Variants in CSMD1 observed in about 807,000 individuals in gnomAD.
The protein encoded by CSMD1 is CUB and Sushi multiple domains 1.
In CSMD1, 213 loss-of-function variants were observed where a neutral mutation model predicts 417.5. That is an observed-to-expected ratio of 0.51 (90% CI 0.46 to 0.57). The LOEUF is 0.57. Ranked by LOEUF, CSMD1 falls within the 20% of genes least tolerant of loss-of-function variation. The probability of loss-of-function intolerance (pLI) is 0.00; values close to 1 mark genes in which losing one functional copy is unlikely to be tolerated. For missense variants in CSMD1, 6,923 were observed against 4,529.7 expected (o/e 1.53, Z -15.17); for synonymous variants, 2,862 against 1,736.8 (o/e 1.65, Z -16.11).
intron 3 of CSMD1, among the ~76,000 whole-genome samples, chr8:4,045,215 G>T (rs1245818921): frequency 1.3e-5 from 2 of 152,132 alleles, no homozygotes; most frequent in Non-Finnish European, 2.9e-5. Flanking sequence ...CACAATGTGG[G>T]CGACAGTTGT....
chr8:4,043,903 C>G (rs1798018273), intron 3 of CSMD1, among the ~76,000 whole-genome samples: 1 of 152,074 alleles, frequency 6.6e-6, no homozygotes, highest in Non-Finnish European at 1.5e-5. Context: ...ACAGATAAAC[C>G]TGAATCTGTA....
intron 7 of CSMD1, among the ~76,000 whole-genome samples, chr8:3,686,284 A>G (rs957387669): frequency 6.6e-6 from 1 of 152,168 alleles, no homozygotes; most frequent in African/African-American, 2.4e-5. Context: ...AGGCAGTGTC[A>G]AGAGACGTGT....
chr8:3,470,591 A>C (rs549079255), intron 11 of CSMD1, among the ~76,000 whole-genome samples: 1 of 152,258 alleles, frequency 6.6e-6, no homozygotes, highest in East Asian at 1.9e-4. Context: ...CGGCTCCTGA[A>C]TCCACCGCCA....
chr8:3,934,979 T>C (rs1270716849), intron 5 of CSMD1, among the ~76,000 whole-genome samples: 1 of 152,152 alleles, frequency 6.6e-6, no homozygotes, highest in Non-Finnish European at 1.5e-5. Context: ...GGCACCCAGA[T>C]CTAAACTCTG....
At chr8:3,686,579 C>G (rs1799955500) in intron 7 of CSMD1, among the ~76,000 whole-genome samples, 3 of 152,102 alleles carry the variant, frequency 2.0e-5, no homozygotes, top group African/African-American at 7.2e-5. Context: ...GTCTTGATAC[C>G]AAAAGGGAAG....
At chr8:3,091,751 C>A in intron 47 of CSMD1, 89 bp from the exon 48 acceptor site, 2 of 1,138,224 alleles carry the variant, frequency 1.8e-6, no homozygotes, top group South Asian at 1.5e-5. Context: ...ACACTGGAGT[C>A]TACGTGTGCA....
intron 1 of CSMD1, among the ~76,000 whole-genome samples, chr8:4,882,386 G>T (rs747597083): frequency 6.6e-6 from 1 of 151,784 alleles, no homozygotes. Context: ...AAATTGAAGA[G>T]TATTGGGGAG....
chr8:3,724,302 C>T (rs951572189), intron 6 of CSMD1, among the ~76,000 whole-genome samples: 1 of 151,902 alleles, frequency 6.6e-6, no homozygotes, highest in Non-Finnish European at 1.5e-5. Context: ...CACCCACTAA[C>T]TCGTCATCTA....
At chr8:4,844,359 G>C (rs7840299) in intron 1 of CSMD1, among the ~76,000 whole-genome samples, 70,038 of 151,916 alleles carry the variant, frequency 0.46, 16,392 homozygotes, top group African/African-American at 0.5. Flanking sequence ...AGATCACTGG[G>C]AAAAACTCAT....
chr8:3,721,899 G>A (rs936892201), intron 6 of CSMD1, among the ~76,000 whole-genome samples: 5 of 152,158 alleles, frequency 3.3e-5, no homozygotes, highest in Admixed American at 1.3e-4. Flanking sequence ...GTAGCTGACT[G>A]TCCACAATGG....
chr8:4,444,074 G>C (rs1056408454), intron 2 of CSMD1, among the ~76,000 whole-genome samples: 3 of 152,100 alleles, frequency 2.0e-5, no homozygotes, highest in African/African-American at 4.8e-5. Flanking sequence ...TGGCACAGTA[G>C]CTCATGCCTG....
intron 3 of CSMD1, among the ~76,000 whole-genome samples, chr8:4,235,187 C>T (rs1801970957): frequency 6.6e-6 from 1 of 152,166 alleles, no homozygotes; most frequent in Non-Finnish European, 1.5e-5. Flanking sequence ...AGGCATCTCT[C>T]TCCTGTCCAA....
chr8:4,746,445 G>C (rs1585034933), intron 1 of CSMD1, among the ~76,000 whole-genome samples: 1 of 152,190 alleles, frequency 6.6e-6, no homozygotes, highest in South Asian at 2.1e-4. Context: ...AAGTGGACTT[G>C]CTCACCACAA....
At chr8:4,052,765 G>T (rs528418735) in intron 3 of CSMD1, among the ~76,000 whole-genome samples, 1 of 152,010 alleles carries the variant, frequency 6.6e-6, no homozygotes, top group African/African-American at 2.4e-5. Flanking sequence ...AAAAAAAATG[G>T]GATATCTGAG....
chr8:4,204,881 G>C (rs1447033833), intron 3 of CSMD1, among the ~76,000 whole-genome samples: 3 of 152,020 alleles, frequency 2.0e-5, no homozygotes, highest in Non-Finnish European at 2.9e-5. Context: ...GGCTGGTCCT[G>C]AACTCCTGTC....
chr8:3,095,820 T>C (rs1265840441), intron 47 of CSMD1, among the ~76,000 whole-genome samples: 1 of 152,178 alleles, frequency 6.6e-6, no homozygotes, highest in African/African-American at 2.4e-5. Flanking sequence ...CATTTCAAAT[T>C]GACGATTCAA....
intron 2 of CSMD1, among the ~76,000 whole-genome samples, chr8:4,542,886 T>C (rs1475293643): frequency 6.6e-6 from 1 of 152,148 alleles, no homozygotes; most frequent in East Asian, 1.9e-4. Context: ...CTAATAGAAA[T>C]ATATTAGCAT....
chr8:3,767,960 T>C (rs967593069), intron 5 of CSMD1, among the ~76,000 whole-genome samples: 2 of 152,204 alleles, frequency 1.3e-5, no homozygotes, highest in South Asian at 2.1e-4. Flanking sequence ...TTACACGTCA[T>C]GGGATGCTGA....
intron 10 of CSMD1, among the ~76,000 whole-genome samples, chr8:3,563,117 C>T (rs1029235473): frequency 6.6e-6 from 1 of 151,948 alleles, no homozygotes; most frequent in Admixed American, 6.6e-5. Flanking sequence ...TAAATATTTT[C>T]AAGAATTTAT....
Sources: allele counts gnomAD v4.1 joint callset (sites outside exome capture counted in the v4.1 genomes callset), GRCh38; gene constraint gnomAD v4.1.1; transcripts MANE v1.5; gene names NCBI Gene and HGNC (gene_info 2026-07-23, HGNC 2026-07-21).